The following CADM2 variants were observed in gnomAD, a reference collection of about 807,000 sequenced individuals.
CADM2 encodes the protein immunoglobulin superfamily member 4D.
Under a neutral mutation model 49.8 loss-of-function variants are expected in CADM2, and 12 were observed. The observed-to-expected ratio is 0.24, with a 90% CI of 0.15 to 0.39. The LOEUF (loss-of-function observed/expected upper bound fraction) is 0.39. CADM2 is among the 10% of genes least tolerant of loss of function. The pLI is 1.00. For synonymous variants in CADM2, 214 were observed against 175.4 expected (o/e 1.22, Z -1.74); for missense variants, 378 against 492.3 (o/e 0.77, Z 2.20).
At chr3:85,171,644 C>T (rs1243755226) in intron 1 of CADM2, among the ~76,000 whole-genome samples, 1 of 152,074 alleles carries the variant, frequency 6.6e-6, no homozygotes, top group Non-Finnish European at 1.5e-5. Flanking sequence ...ATATTTTGTT[C>T]TTATTTGTTC....
Position 85,966,541 on chromosome 3 carries a change from G to A in CADM2, c.970+4894G>A, listed in dbSNP as rs528827247. Reference sequence around the variant, plus strand: ...TCTTGCTATCATTTAGAATGAAATTGCCCACTATGCACCTTTCCACAGATT... The same window carrying A: ...TCTTGCTATCATTTAGAATGAAATTACCCACTATGCACCTTTCCACAGATT... On this transcript the variant is annotated intron_variant, in intron 8 of 9. Coordinates refer to ENST00000383699, the MANE Select transcript of CADM2 (RefSeq NM_001167675.2). 6.6e-5 allele frequency among the ~76,000 whole-genome samples: 10 copies of A among 151,526 alleles called. No individual in the cohort carries two copies. In the South Asian group the frequency reaches 1.0e-3, roughly 16 times the overall value.
chr3:85,543,141 C>G (rs1576762734), intron 1 of CADM2, among the ~76,000 whole-genome samples: 4 of 152,284 alleles, frequency 2.6e-5, no homozygotes, highest in Admixed American at 2.6e-4. Context: ...TCCTGGTTTT[C>G]TCCCTTGGCA....
chr3:85,188,200 C>T (rs2041110448), intron 1 of CADM2, among the ~76,000 whole-genome samples: 1 of 151,968 alleles, frequency 6.6e-6, no homozygotes, highest in African/African-American at 2.4e-5. Context: ...AAAATGTTTT[C>T]AGCATAACTT....
At chr3:85,900,289 G>A (rs2108447158) in intron 5 of CADM2, among the ~76,000 whole-genome samples, 1 of 152,168 alleles carries the variant, frequency 6.6e-6, no homozygotes, top group South Asian at 2.1e-4. Context: ...TATTTCAATG[G>A]TAGTGTGTCT....
At chr3:85,661,252 C>T (rs1468763144) in intron 1 of CADM2, among the ~76,000 whole-genome samples, 1 of 152,040 alleles carries the variant, frequency 6.6e-6, no homozygotes, top group African/African-American at 2.4e-5. Context: ...TGCAGGTTGT[C>T]AGCTTGTGAC....
chr3:85,773,311 C>T (rs1183201667), intron 2 of CADM2, among the ~76,000 whole-genome samples: 1 of 151,998 alleles, frequency 6.6e-6, no homozygotes, highest in East Asian at 1.9e-4. Flanking sequence ...CACACAGTCA[C>T]ACTTAATGGA....
intron 1 of CADM2, among the ~76,000 whole-genome samples, chr3:85,526,323 T>C (rs1286582929): frequency 6.6e-6 from 1 of 150,524 alleles, no homozygotes; most frequent in Non-Finnish European, 1.5e-5. Context: ...AGGAGAGTAG[T>C]TCTTTATGTA....
rs959012188 is a variant in CADM2 at position 85,151,322 on chromosome 3, C to CT, written c.61+191664dup. 8.7e-5 allele frequency among the ~76,000 whole-genome samples: 13 copies of CT among 149,188 alleles called. 1 individual carries two copies. In the South Asian group the frequency reaches 1.1e-3, roughly 12 times the overall value. ...AAGCACCCTTCTGAATGATTGTGTA[C>CT]TTTTTTTTTTCACTTCTGCTTTTAC... On this transcript the variant is annotated intron_variant, in intron 1 of 9. Coordinates refer to ENST00000383699, the MANE Select transcript of CADM2 (RefSeq NM_001167675.2).
rs1317823848 is a variant in CADM2, at chr3:85,608,196, T to G, written c.62-118326T>G. On this transcript the variant is annotated intron_variant, in intron 1 of 9. Coordinates refer to ENST00000383699, the MANE Select transcript of CADM2 (RefSeq NM_001167675.2). ...AATTTATTAGTTGCCTAATGAAACC[T>G]TATTTTAAAAATAAAATTTAAATCT... Among the ~76,000 whole-genome samples the G allele has an allele frequency of 2.0e-5, 3 of 152,162 alleles. No individual in the cohort carries two copies. In the South Asian group the frequency reaches 6.2e-4, roughly 31 times the overall value.
chr3:85,835,764 A>AAT (rs60751030), intron 3 of CADM2, among the ~76,000 whole-genome samples: 51,866 of 145,790 alleles, frequency 0.36, 9,598 homozygotes, highest in East Asian at 0.56. Flanking sequence ...TATATAATAT[A>AAT]ATATATATAT....
chr3:86,039,655 G>T (rs543283709), intron 8 of CADM2, among the ~76,000 whole-genome samples: 96 of 152,300 alleles, frequency 6.3e-4, no homozygotes, highest in African/African-American at 2.2e-3. Context: ...CCACCTCTGG[G>T]GGGAGGGCAT....
intron 1 of CADM2, among the ~76,000 whole-genome samples, chr3:85,383,698 T>G (rs1208687159): frequency 6.6e-6 from 1 of 150,834 alleles, no homozygotes; most frequent in Non-Finnish European, 1.5e-5. Flanking sequence ...TTTCTTTTCA[T>G]TATTTATACA....
intron 1 of CADM2, among the ~76,000 whole-genome samples, chr3:85,404,319 G>C (rs984998760): frequency 3.9e-5 from 6 of 151,902 alleles, no homozygotes; most frequent in Non-Finnish European, 7.4e-5. Context: ...CAACTTTAAT[G>C]ATTGTTTACA....
rs200847916 is a variant in CADM2, at chr3:85,769,267, A to ACATATACATATATAGTATATATACACG, written c.89-32780_89-32779insCATATACATATATAGTATATATACACG. On this transcript the variant is annotated intron_variant, in intron 2 of 9. Transcript: ENST00000383699. ...ATATACATATATAGTATATATACACATATATACATATATACATATATAGTA... is the reference window on the plus strand; with the variant it reads ...ATATACATATATAGTATATATACACACATATACATATATAGTATATATACACGTATATACATATATACATATATAGTA... Among the ~76,000 whole-genome samples the ACATATACATATATAGTATATATACACG allele has an allele frequency of 2.8e-3, 125 of 44,536 alleles. 14 individuals are homozygous for ACATATACATATATAGTATATATACACG. The highest frequency in any genetic ancestry group is 0.016 in the African/African-American group (120 of 7,672). The allele number at this position is 44,536 out of a possible 152,430, so 29.2% of individuals were successfully genotyped here.
In CADM2 at chr3:85,587,313, G is replaced by A. The variant is rs555995248; in HGVS notation, c.62-139209G>A. Among the ~76,000 whole-genome samples the A allele has an allele frequency of 1.7e-3, 261 of 152,182 alleles. 1 individual carries two copies. Among genetic ancestry groups the A allele is most frequent in the African/African-American group, 6.0e-3 (250 of 41,562 alleles). Reference sequence around the variant, plus strand: ...TTATTTATCGATCATAAAAAATTGAGCAAACAAGAAAAATCTTATTTGTTC... The same window carrying A: ...TTATTTATCGATCATAAAAAATTGAACAAACAAGAAAAATCTTATTTGTTC... On this transcript the variant is annotated intron_variant, in intron 1 of 9. Transcript: ENST00000383699.
chr3:85,004,455 T>C (rs1478740200), intron 1 of CADM2, among the ~76,000 whole-genome samples: 1 of 152,138 alleles, frequency 6.6e-6, no homozygotes, highest in African/African-American at 2.4e-5. Flanking sequence ...ACACTTCCCT[T>C]TTAAATAAGT....
intron 1 of CADM2, among the ~76,000 whole-genome samples, chr3:85,069,099 C>T (rs1254617635): frequency 6.6e-6 from 1 of 151,928 alleles, no homozygotes; most frequent in Non-Finnish European, 1.5e-5. Flanking sequence ...GCCGTTGATG[C>T]CTTTCCCCTC....
intron 3 of CADM2, among the ~76,000 whole-genome samples, chr3:85,857,595 A>C (rs776804280): frequency 3.3e-5 from 5 of 152,094 alleles, no homozygotes; most frequent in Non-Finnish European, 7.4e-5. Context: ...CTCCCACCTC[A>C]GCCTCCCAAA....
At chr3:85,610,653 C>T (rs1338660194) in intron 1 of CADM2, among the ~76,000 whole-genome samples, 1 of 151,838 alleles carries the variant, frequency 6.6e-6, no homozygotes, top group Non-Finnish European at 1.5e-5. Context: ...TGAGATTAAA[C>T]TCAAATAATC....
Sources: allele counts gnomAD v4.1 joint callset (sites outside exome capture counted in the v4.1 genomes callset), GRCh38; gene constraint gnomAD v4.1.1; transcripts MANE v1.5; gene names NCBI Gene and HGNC (gene_info 2026-07-23, HGNC 2026-07-21).